The following KAT6B variants were observed in gnomAD, a reference collection of about 807,000 sequenced individuals.
The protein encoded by KAT6B is histone acetyltransferase KAT6B.
KAT6B carries 10 observed loss-of-function variants against 187.5 expected under a neutral mutation model. The ratio of observed to expected loss-of-function variants is 0.05; its 90% CI spans 0.03 to 0.09. KAT6B has a LOEUF of 0.09. KAT6B is among the 10% of genes least tolerant of loss of function. The pLI, the probability that KAT6B is intolerant of heterozygous loss-of-function variation, is 1.00. For synonymous variants in KAT6B, 861 were observed against 926.8 expected (o/e 0.93, Z 1.29); for missense variants, 1,952 against 2,558.9 (o/e 0.76, Z 5.12).
chr10:74,831,860 A>G (rs1429275488), intron 1 of KAT6B, among the ~76,000 whole-genome samples: 1 of 152,208 alleles, frequency 6.6e-6, no homozygotes, highest in Non-Finnish European at 1.5e-5. Flanking sequence ...AGCATGTCCA[A>G]TATCCCCTAG....
At chr10:74,945,746 G>A (rs1198912613) in intron 3 of KAT6B, among the ~76,000 whole-genome samples, 1 of 152,088 alleles carries the variant, frequency 6.6e-6, no homozygotes, top group African/African-American at 2.4e-5. Context: ...CACTGTGCCC[G>A]CCGGCCTGCC....
chr10:74,960,116 C>T (rs1243260204), intron 4 of KAT6B, 38 bp downstream of exon 4: 2 of 1,220,874 alleles, frequency 1.6e-6, no homozygotes, highest in Non-Finnish European at 2.4e-6. Flanking sequence ...ACAATGACTT[C>T]CCATTATCAT....
At chr10:74,833,521 G>C (rs1291293784) in intron 1 of KAT6B, among the ~76,000 whole-genome samples, 1 of 152,138 alleles carries the variant, frequency 6.6e-6, no homozygotes, top group Non-Finnish European at 1.5e-5. Flanking sequence ...CCTAATTCAT[G>C]GGTTTCACCA....
intron 3 of KAT6B, among the ~76,000 whole-genome samples, chr10:74,936,826 CTT>C (rs1849310946): frequency 6.6e-6 from 1 of 152,068 alleles, no homozygotes; most frequent in Non-Finnish European, 1.5e-5. Context: ...ACTTTTACAA[CTT>C]ATGTCATTTT....
chr10:75,025,438 T>A (rs1200273255), intron 17 of KAT6B, 189 bp downstream of exon 17: 1 of 595,744 alleles, frequency 1.7e-6, no homozygotes, highest in Non-Finnish European at 2.9e-6. Context: ...TTGGATTTTA[T>A]GTTAAACAAC....
intron 3 of KAT6B, among the ~76,000 whole-genome samples, chr10:74,937,124 T>C (rs146575358): frequency 5.9e-4 from 90 of 152,358 alleles, no homozygotes; most frequent in African/African-American, 2.0e-3. Flanking sequence ...TGCTTTTTAT[T>C]TGGCAGTGAG....
intron 13 of KAT6B, among the ~76,000 whole-genome samples, chr10:75,010,498 TCATCATCCAG>T (rs1844519038): frequency 6.6e-6 from 1 of 152,258 alleles, no homozygotes; most frequent in Admixed American, 6.5e-5. Context: ...GTGTGAAAGC[TCATCATCCAG>T]AATTGGAATT....
At position 75,005,826 on chromosome 10, in the gene KAT6B, G is replaced by C. The variant is rs561975694; in HGVS notation, c.2630-14756G>C. ...AGTCCTGCTTTGAGTTAACATCATA[G>C]AGGAACGCTTTTTTTCAGCAAAATT... is the stretch of plus-strand genomic sequence containing the variant. On this transcript the variant is annotated intron_variant, in intron 13 of 17. Transcript: ENST00000287239. Among the ~76,000 whole-genome samples the C allele has an allele frequency of 3.3e-5, 5 of 152,140 alleles. No individual in the cohort carries two copies. In the South Asian group the frequency reaches 8.3e-4, roughly 25 times the overall value.
At chr10:75,011,608 G>A (rs559941597) in intron 13 of KAT6B, among the ~76,000 whole-genome samples, 7 of 152,302 alleles carry the variant, frequency 4.6e-5, no homozygotes, top group African/African-American at 1.7e-4. Context: ...TACTGACAGA[G>A]TATAACATCT....
At chr10:74,929,459 A>G (rs1848718134) in intron 3 of KAT6B, among the ~76,000 whole-genome samples, 1 of 152,230 alleles carries the variant, frequency 6.6e-6, no homozygotes, top group Admixed American at 6.5e-5. Flanking sequence ...TATTAGTCAT[A>G]CATTGACCGA....
chr10:74,937,809 G>A (rs779519509), intron 3 of KAT6B, among the ~76,000 whole-genome samples: 15 of 152,126 alleles, frequency 9.9e-5, no homozygotes, highest in African/African-American at 1.4e-4. Flanking sequence ...TATTGCTGTC[G>A]CTGCTTCTGC....
chr10:74,879,755 A>T (rs764484222), intron 3 of KAT6B, among the ~76,000 whole-genome samples: 7 of 150,694 alleles, frequency 4.6e-5, no homozygotes. Flanking sequence ...TCTGGTGCTG[A>T]CTAGTCTCCC....
At chr10:75,003,006 G>T (rs938431772) in intron 13 of KAT6B, 1 of 152,154 alleles carries the variant, frequency 6.6e-6, no homozygotes, top group African/African-American at 2.4e-5. Context: ...TGATTCTTAG[G>T]GACAATTTTA....
At chr10:74,959,834 A>G in intron 3 of KAT6B, 136 bp from the exon 4 acceptor site, 2 of 677,898 alleles carry the variant, frequency 3.0e-6, no homozygotes, top group Non-Finnish European at 5.2e-6. Context: ...TGTTTATTTA[A>G]ATACGTTATT....
At position 75,029,630 on chromosome 10, in the gene KAT6B, C is replaced by A; in HGVS notation, c.4806C>A (p.Ser1602=). Residue 1602 remains serine, a synonymous_variant, in exon 18 of 18, where the codon TCC becomes TCA. Coordinates refer to ENST00000287239, the MANE Select transcript of KAT6B (RefSeq NM_012330.4). The surrounding 1 kb of genome is among the most constrained non-coding windows in gnomAD (Gnocchi z 6.2). ...QQSDHSSPVS[S]VHSHPGQSVR... is the part of the protein sequence containing the mutation. ...CGGACCACAGTAGCCCAGTTTCATC[C>A]GTCCACTCCCATCCTGGCCAGTCCG... 6.2e-7 allele frequency: 1 copy of A among 1,614,154 alleles called. No homozygotes were observed.
At chr10:74,958,133 G>T (rs144274769) in intron 3 of KAT6B, among the ~76,000 whole-genome samples, 1 of 152,092 alleles carries the variant, frequency 6.6e-6, no homozygotes, top group Non-Finnish European at 1.5e-5. Flanking sequence ...GTCATGAGAT[G>T]GTTTTTTGTT....
At chr10:74,962,621 G>A (rs1841179118) in intron 4 of KAT6B, among the ~76,000 whole-genome samples, 1 of 152,186 alleles carries the variant, frequency 6.6e-6, no homozygotes, top group Non-Finnish European at 1.5e-5. Flanking sequence ...CCTGTGGGGA[G>A]GATCATTCTT....
chr10:75,018,081 G>C (rs2134127407), intron 13 of KAT6B, among the ~76,000 whole-genome samples: 1 of 152,310 alleles, frequency 6.6e-6, no homozygotes, highest in African/African-American at 2.4e-5. Flanking sequence ...CAGTGTCGGT[G>C]CACGTCATCC....
chr10:74,936,596 A>G (rs1849291260), intron 3 of KAT6B, among the ~76,000 whole-genome samples: 1 of 152,194 alleles, frequency 6.6e-6, no homozygotes. Context: ...TGAGATGTTT[A>G]TTTAGAAAAC....
Sources: gnomAD v4.1 joint callset for allele counts (sites outside exome capture counted in the v4.1 genomes callset) on GRCh38, gnomAD v4.1.1 for gene constraint, Gnocchi (gnomAD v3.1) non-coding constraint, MANE v1.5 for transcripts, NCBI Gene and HGNC (gene_info 2026-07-23, HGNC 2026-07-21) for gene names.